Variants in CLVS1 observed in about 807,000 individuals in gnomAD.
The protein encoded by CLVS1 is clavesin-1.
A neutral mutation model predicts 33.1 loss-of-function variants in CLVS1; 10 were observed. The ratio of observed to expected loss-of-function variants is 0.30; its 90% CI spans 0.19 to 0.51. The LOEUF (loss-of-function observed/expected upper bound fraction) is 0.51, where lower values mean the gene tolerates loss of function less well. Among genes scored for constraint, CLVS1 ranks in the 20% least tolerant of loss-of-function variants. The pLI, the probability that CLVS1 is intolerant of heterozygous loss-of-function variation, is 0.97. For synonymous variants in CLVS1, 163 were observed against 166.1 expected (o/e 0.98, Z 0.14); for missense variants, 343 against 433.4 (o/e 0.79, Z 1.85).
At chr8:61,352,667 C>T (rs1812518016) in intron 2 of CLVS1, among the ~76,000 whole-genome samples, 1 of 151,926 alleles carries the variant, frequency 6.6e-6, no homozygotes, top group African/African-American at 2.4e-5. Context: ...AAGGAAATTG[C>T]ATAATGATAA....
chr8:61,347,881 C>T (rs1351564329), intron 2 of CLVS1, among the ~76,000 whole-genome samples: 1 of 151,416 alleles, frequency 6.6e-6, no homozygotes, highest in African/African-American at 2.4e-5. Context: ...TACCAATTTA[C>T]ATTCCCACCA....
At chr8:61,298,995 A>G (rs986435435) in intron 1 of CLVS1, among the ~76,000 whole-genome samples, 1 of 152,170 alleles carries the variant, frequency 6.6e-6, no homozygotes, top group African/African-American at 2.4e-5. Flanking sequence ...GCAAATGCAA[A>G]TAATAAAGCC....
At chr8:61,113,739 C>T (rs1805669564) in intron 1 of CLVS1, among the ~76,000 whole-genome samples, 1 of 152,174 alleles carries the variant, frequency 6.6e-6, no homozygotes, top group South Asian at 2.1e-4. Flanking sequence ...CCTATCCTAC[C>T]CTGGGTCCTG....
In CLVS1 at chr8:61,074,356, GTGTGTATATATATATATATAAGTATA is replaced by G. The variant is rs201222405; in HGVS notation, c.-243+17142_-243+17167del. ...CTGTCTCAAATTTAAATATGTGTGT[GTGTGTATATATATATATATAAGTATA>G]TGTGTATATATATATGTTATATATA... On this transcript the variant is annotated intron_variant, in intron 1 of 2. Coordinates refer to the CLVS1 transcript ENST00000522621. 9.6e-3 allele frequency among the ~76,000 whole-genome samples: 962 copies of G among 100,568 alleles called. 76 individuals carry two copies. The highest frequency in any genetic ancestry group is 0.056 in the African/African-American group (889 of 15,786). The allele number at this position is 100,568 out of a possible 152,430, so 66.0% of individuals were successfully genotyped here.
chr8:61,323,852 A>G (rs1460549947), intron 2 of CLVS1, among the ~76,000 whole-genome samples: 1 of 151,682 alleles, frequency 6.6e-6, no homozygotes, highest in Admixed American at 6.6e-5. Context: ...TTTTCCCTCT[A>G]CGTGTCTATA....
At chr8:61,319,135 A>G (rs1475608920) in intron 2 of CLVS1, among the ~76,000 whole-genome samples, 1 of 152,084 alleles carries the variant, frequency 6.6e-6, no homozygotes, top group Admixed American at 6.5e-5. Context: ...TGACTCTACC[A>G]TGGCATTTAA....
At chr8:61,279,315 T>C (rs1042112562) in intron 2 of CLVS1, among the ~76,000 whole-genome samples, 15 of 152,150 alleles carry the variant, frequency 9.9e-5, no homozygotes, top group Non-Finnish European at 1.6e-4. Context: ...AGTTTTCTCA[T>C]CTCTCCCAAG....
intron 2 of CLVS1, among the ~76,000 whole-genome samples, chr8:61,308,209 C>T (rs193166323): frequency 6.6e-6 from 1 of 152,290 alleles, no homozygotes; most frequent in East Asian, 1.9e-4. Flanking sequence ...AACCATTTGG[C>T]AGTTTCAGTA....
chr8:61,091,289 G>A (rs555028692), intron 1 of CLVS1, among the ~76,000 whole-genome samples: 63 of 152,338 alleles, frequency 4.1e-4, no homozygotes, highest in African/African-American at 1.5e-3. Context: ...AGGGCCTTCA[G>A]AAATAAGCAG....
chr8:61,173,025 G>A (rs1807037657), intron 2 of CLVS1, among the ~76,000 whole-genome samples: 1 of 152,200 alleles, frequency 6.6e-6, no homozygotes, highest in Non-Finnish European at 1.5e-5. Context: ...AGTAAGAATA[G>A]TGAACAGGTT....
chr8:61,097,904 G>GAT (rs1805380904), intron 1 of CLVS1, among the ~76,000 whole-genome samples: 1 of 152,170 alleles, frequency 6.6e-6, no homozygotes, highest in African/African-American at 2.4e-5. Context: ...GGATCTTGTT[G>GAT]ATATCCCTAA....
chr8:61,384,000 A>G (rs907117340), intron 3 of CLVS1, among the ~76,000 whole-genome samples: 1 of 152,218 alleles, frequency 6.6e-6, no homozygotes, highest in Non-Finnish European at 1.5e-5. Context: ...AGCTAATAAA[A>G]TCCCAGAGGA....
chr8:61,286,335 C>T (rs1440772558), upstream of CLVS1, among the ~76,000 whole-genome samples: 1 of 152,194 alleles, frequency 6.6e-6, no homozygotes, highest in African/African-American at 2.4e-5. Flanking sequence ...CTGCAATAAT[C>T]TGCTCCAGTG....
intron 2 of CLVS1, among the ~76,000 whole-genome samples, chr8:61,282,628 A>G (rs1809695739): frequency 6.6e-6 from 1 of 152,228 alleles, no homozygotes; most frequent in Non-Finnish European, 1.5e-5. Context: ...GTACTCCCTC[A>G]TGTTAATTGC....
At chr8:61,352,048 T>C (rs1812492164) in intron 2 of CLVS1, among the ~76,000 whole-genome samples, 1 of 152,036 alleles carries the variant, frequency 6.6e-6, no homozygotes, top group Non-Finnish European at 1.5e-5. Context: ...TTTTATCTCA[T>C]GAGTTTTATA....
chr8:61,291,544 A>G (rs1178930526), intron 1 of CLVS1, among the ~76,000 whole-genome samples: 1 of 152,190 alleles, frequency 6.6e-6, no homozygotes, highest in Non-Finnish European at 1.5e-5. Context: ...GGGCCTGGGA[A>G]TAGCATGTTG....
chr8:61,175,686 G>C (rs1807099649), intron 2 of CLVS1, among the ~76,000 whole-genome samples: 1 of 152,146 alleles, frequency 6.6e-6, no homozygotes, highest in Non-Finnish European at 1.5e-5. Flanking sequence ...ATAAGCCAAG[G>C]AATGCCAAGG....
At chr8:61,202,750 A>C (rs1807760932) in intron 2 of CLVS1, 1 of 1,577,088 alleles carries the variant, frequency 6.3e-7, no homozygotes, top group South Asian at 1.1e-5. Flanking sequence ...GGAGGATGTG[A>C]AACTCTTAAG....
chr8:61,255,471 C>T (rs577864824), intron 2 of CLVS1, among the ~76,000 whole-genome samples: 6 of 152,098 alleles, frequency 3.9e-5, no homozygotes, highest in East Asian at 1.9e-4. Context: ...CAGCAGAAGT[C>T]GAATTCTTGT....
Sources: gnomAD v4.1 joint callset for allele counts (sites outside exome capture counted in the v4.1 genomes callset) on GRCh38, gnomAD v4.1.1 for gene constraint, MANE v1.5 for transcripts, NCBI Gene and HGNC (gene_info 2026-07-23, HGNC 2026-07-21) for gene names.